The following TCF4 variants were observed in gnomAD, a reference collection of about 807,000 sequenced individuals.
TCF4 encodes SL3-3 enhancer factor 2.
A neutral mutation model predicts 82.1 loss-of-function variants in TCF4; 3 were observed. The observed-to-expected ratio is 0.04, with a 90% CI of 0.02 to 0.09. The LOEUF (loss-of-function observed/expected upper bound fraction) is 0.09, where lower values mean the gene tolerates loss of function less well. Ranked by LOEUF, TCF4 falls within the 10% of genes least tolerant of loss-of-function variation. The pLI is 1.00. For missense variants in TCF4, 518 were observed against 852.7 expected (o/e 0.61, Z 4.89); for synonymous variants, 276 against 309.6 (o/e 0.89, Z 1.14).
At chr18:55,610,108 GGAATGAGT>G (rs2147962059) in intron 2 of TCF4, among the ~76,000 whole-genome samples, 1 of 152,116 alleles carries the variant, frequency 6.6e-6, no homozygotes, top group South Asian at 2.1e-4. Context: ...AAATATTTTT[GGAATGAGT>G]GAATGAATAG....
chr18:55,398,537 G>A (rs556024328), intron 6 of TCF4, among the ~76,000 whole-genome samples: 4 of 152,250 alleles, frequency 2.6e-5, no homozygotes, highest in Admixed American at 2.0e-4. Flanking sequence ...AAGTCAGAGT[G>A]GGTGTCTCTC....
chr18:55,355,472 C>G (rs2083280963), intron 6 of TCF4, among the ~76,000 whole-genome samples: 1 of 152,156 alleles, frequency 6.6e-6, no homozygotes. Context: ...TGCTGACTTA[C>G]TACAGTAGCA....
chr18:55,322,021 T>A, intron 8 of TCF4: 1 of 1,200,048 alleles, frequency 8.3e-7, no homozygotes, highest in East Asian at 3.4e-5. Context: ...TTCCGAGGGG[T>A]TTTTATTAGT....
At chr18:55,391,600 C>T (rs756195841) in intron 6 of TCF4, among the ~76,000 whole-genome samples, 6 of 151,880 alleles carry the variant, frequency 4.0e-5, no homozygotes, top group Non-Finnish European at 5.9e-5. Context: ...TGGAACCAAA[C>T]GACCACTCAC....
intron 8 of TCF4, among the ~76,000 whole-genome samples, chr18:55,307,389 G>A (rs1434832738): frequency 6.6e-6 from 1 of 152,164 alleles, no homozygotes; most frequent in Non-Finnish European, 1.5e-5. Context: ...AATTACCTCT[G>A]CCCTCCAAGC....
chr18:55,279,487 G>C (rs929620316), intron 9 of TCF4, 64 bp downstream of exon 9: 2 of 1,610,352 alleles, frequency 1.2e-6, no homozygotes, highest in African/African-American at 2.7e-5. Context: ...CCCCATCTGT[G>C]ACATTAAGTG....
intron 2 of TCF4, among the ~76,000 whole-genome samples, chr18:55,607,304 A>T (rs1384428768): frequency 6.6e-6 from 1 of 152,230 alleles, no homozygotes; most frequent in Admixed American, 6.5e-5. Context: ...TGTTCTTAAA[A>T]GTCAGTAGGT....
rs2082079229 is a variant in TCF4, at chr18:55,350,341, G to A, written c.549+18C>T. The A allele has an allele frequency of 1.2e-6, 2 of 1,612,634 alleles. No homozygotes were observed. The highest frequency in any genetic ancestry group is 4.5e-5 in the East Asian group (2 of 44,830). The stretch of plus-strand genomic sequence containing the variant: ...AACAAAATAAGCAATATACAAAGCA[G>A]AAACAAGCAGTACTTACTGAAGATG... On this transcript the variant is annotated intron_variant, in intron 8 of 19. Coordinates refer to ENST00000354452, the MANE Select transcript of TCF4 (RefSeq NM_001083962.2).
chr18:55,613,400 C>T (rs1011231837), intron 2 of TCF4, among the ~76,000 whole-genome samples: 3 of 152,182 alleles, frequency 2.0e-5, no homozygotes, highest in Admixed American at 1.3e-4. Flanking sequence ...TTCTTTTGGT[C>T]TGGCTTTTTA....
intron 2 of TCF4, among the ~76,000 whole-genome samples, chr18:55,598,869 T>C (rs1463181313): frequency 6.6e-6 from 1 of 152,236 alleles, no homozygotes; most frequent in Non-Finnish European, 1.5e-5. Flanking sequence ...TATGTCAGGC[T>C]AACTCCCTCA....
rs977023517 is a variant in TCF4, at chr18:55,223,390, A to G, written c.*4645T>C. On this transcript the variant is annotated 3_prime_UTR_variant, in exon 20 of 20. Transcript: ENST00000354452. ...AATGAAATATAGATGCGTTTTACTT[A>G]CAGAAGAGAATCATAGCTATATGGA... The G allele has an allele frequency of 6.6e-6, 1 of 152,656 alleles. No homozygotes were observed. The highest frequency in any genetic ancestry group is 1.9e-4 in the East Asian group (1 of 5,204). 9.5% of individuals were successfully genotyped at this position (152,656 alleles called of 1,614,324 possible). A position where few individuals can be genotyped will look rare whatever the true frequency, so the allele number is the denominator to read the frequency against.
At chr18:55,450,296 A>C (rs2095599710) in intron 5 of TCF4, among the ~76,000 whole-genome samples, 1 of 152,238 alleles carries the variant, frequency 6.6e-6, no homozygotes, top group Non-Finnish European at 1.5e-5. Context: ...ATTTTATACT[A>C]CTTTCAAATG....
At chr18:55,404,158 A>G (rs1404166734) in intron 5 of TCF4, 4 of 460,574 alleles carry the variant, frequency 8.7e-6, no homozygotes, top group African/African-American at 6.3e-5. Flanking sequence ...ACAAGGGATC[A>G]TGGAATGTGA....
chr18:55,302,254 G>A (rs1053798899), intron 8 of TCF4, among the ~76,000 whole-genome samples: 7 of 152,206 alleles, frequency 4.6e-5, no homozygotes, highest in African/African-American at 1.4e-4. Context: ...AAAGTAACCC[G>A]GGCAGAGCGA....
intron 15 of TCF4, among the ~76,000 whole-genome samples, chr18:55,251,933 T>G (rs1197545459): frequency 9.7e-5 from 14 of 145,052 alleles, no homozygotes; most frequent in Non-Finnish European, 1.6e-4. Context: ...GGATGAGGTT[T>G]TTTTTTTTTT....
intron 3 of TCF4, among the ~76,000 whole-genome samples, chr18:55,472,482 T>C (rs2145229649): frequency 6.6e-6 from 1 of 152,302 alleles, no homozygotes; most frequent in African/African-American, 2.4e-5. Context: ...TGGGACTGGC[T>C]AGCTGGGGTC....
At chr18:55,436,344 G>A (rs774914823) in intron 5 of TCF4, among the ~76,000 whole-genome samples, 27 of 152,168 alleles carry the variant, frequency 1.8e-4, no homozygotes, top group East Asian at 1.2e-3. Context: ...TTAATTCCCC[G>A]TAAAGGTTAC....
intron 5 of TCF4, among the ~76,000 whole-genome samples, chr18:55,414,034 T>C (rs1193735086): frequency 6.6e-6 from 1 of 152,096 alleles, no homozygotes; most frequent in Non-Finnish European, 1.5e-5. Flanking sequence ...TATCCACCAG[T>C]AAGGGATATA....
At chr18:55,365,828 G>A (rs2086888233) in intron 6 of TCF4, among the ~76,000 whole-genome samples, 1 of 152,072 alleles carries the variant, frequency 6.6e-6, no homozygotes, top group South Asian at 2.1e-4. Context: ...GAAGGCAGAG[G>A]TTGCACTGAG....
Sources: gnomAD v4.1 joint callset for allele counts (sites outside exome capture counted in the v4.1 genomes callset) on GRCh38, gnomAD v4.1.1 for gene constraint, MANE v1.5 for transcripts, NCBI Gene and HGNC (gene_info 2026-07-23, HGNC 2026-07-21) for gene names.